CD209: variants seen among roughly 807,000 people sequenced by gnomAD.
The protein encoded by CD209 is CD209 antigen.
A neutral mutation model predicts 44.7 loss-of-function variants in CD209; 31 were observed. The ratio of observed to expected loss-of-function variants is 0.69; its 90% CI spans 0.52 to 0.94. The LOEUF (loss-of-function observed/expected upper bound fraction) is 0.94, where lower values mean the gene tolerates loss of function less well. Ranked by LOEUF, CD209 falls within the 40% of genes least tolerant of loss-of-function variation. The pLI is 0.00. For missense variants in CD209, 407 were observed against 452.4 expected (o/e 0.90, Z 0.91); for synonymous variants, 173 against 181.3 (o/e 0.95, Z 0.37).
Position 7,741,509 on chromosome 19 carries a change from A to G in CD209, c.*1530T>C. On this transcript the variant is annotated 3_prime_UTR_variant, in exon 7 of 7. Coordinates refer to ENST00000315599, the MANE Select transcript of CD209 (RefSeq NM_021155.4). ...CCATCTTTAAAAAAAAATAGTAATT[A>G]AAAAATAACGTGGGGAGAGTGATTC... 1.8e-6 allele frequency: 1 copy of G among 561,978 alleles called. No homozygotes were observed. Among genetic ancestry groups the G allele is most frequent in the Middle Eastern group, 3.1e-4 (1 of 3,276 alleles). 34.8% of individuals were successfully genotyped at this position (561,978 alleles called of 1,614,324 possible).
rs1227685897 is a variant in CD209 at position 7,740,513 on chromosome 19, G to C, written c.*2526C>G. ...AGAAACCAAGCCACAAAAAGTACAG[G>C]GCCGCCCTGAAGAAGGAGAAACGAA... On this transcript the variant is annotated 3_prime_UTR_variant, in exon 7 of 7. Transcript: ENST00000315599. The C allele has an allele frequency of 8.6e-7, 1 of 1,156,978 alleles. No homozygotes were observed. The allele number at this position is 1,156,978 out of a possible 1,614,324, so 71.7% of individuals were successfully genotyped here.
In CD209 at chr19:7,741,076, A is replaced by C. The variant is rs1036823423; in HGVS notation, c.*1963T>G. The C allele has an allele frequency of 2.3e-6, 2 of 855,708 alleles. No individual in the cohort carries two copies. Among genetic ancestry groups the C allele is most frequent in the African/African-American group, 3.3e-5 (2 of 61,498 alleles). 53.0% of individuals were successfully genotyped at this position (855,708 alleles called of 1,614,324 possible). ...TACAGTGTTTGGAAAGGAGCAGTGC[A>C]GGAGGGATGACTATGACTCCGAAGC... On this transcript the variant is annotated 3_prime_UTR_variant, in exon 7 of 7. Transcript: ENST00000315599.
Position 7,742,948 on chromosome 19 carries a change from G to A in CD209, c.*91C>T, listed in dbSNP as rs2033659025. On this transcript the variant is annotated 3_prime_UTR_variant, in exon 7 of 7. Coordinates refer to ENST00000315599, the MANE Select transcript of CD209 (RefSeq NM_021155.4). ...GAATGGGACCCAGCCTTCTAAAGGA[G>A]GAAGAATCTGACAAAGAACAGTCCC... 2 of 1,044,152 alleles carry A rather than the reference G, an allele frequency of 1.9e-6. No homozygotes were observed. Among genetic ancestry groups the A allele is most frequent in the Admixed American group, 1.8e-5 (1 of 54,980 alleles). 64.7% of individuals were successfully genotyped at this position (1,044,152 alleles called of 1,614,324 possible).
Position 7,744,162 on chromosome 19 carries a change from C to G in CD209, c.958G>C (p.Asp320His). The G allele has an allele frequency of 6.2e-7, 1 of 1,614,222 alleles. No individual in the cohort carries two copies. Among genetic ancestry groups the G allele is most frequent in the Non-Finnish European group, 8.5e-7 (1 of 1,180,028 alleles). Residue 320 changes from aspartate (D) to histidine (H), a missense_variant, in exon 6 of 7, where the codon GAT becomes CAT. Asp to His is a moderately conservative substitution (Grantham distance 81, BLOSUM62 -1). This residue lies in a region of CD209 where 200 missense variants were observed against 202.2 expected (regional missense o/e 0.99). Coordinates refer to ENST00000315599, the MANE Select transcript of CD209 (RefSeq NM_021155.4). ...TGCCACGTGCCTTCCTGATTTAGAT[C>G]TGAAAGTCCCATCCAGGTGAAGCGG... Reference protein sequence around the residue: ...SNRFTWMGLSDLNQEGTWQWV... With the variant: ...SNRFTWMGLSHLNQEGTWQWV...
chr19:7,741,140 T>C lies in CD209; in HGVS notation c.*1899A>G. ...AGCGAGGAAGAAACCTACCAACAGT[T>C]CCTAGATTTCTGTGAGGATGTGCTG... On this transcript the variant is annotated 3_prime_UTR_variant, in exon 7 of 7. Transcript: ENST00000315599. 1 of 1,074,480 alleles carries C rather than the reference T, an allele frequency of 9.3e-7. No individual in the cohort carries two copies. The highest frequency in any genetic ancestry group is 1.4e-6 in the Non-Finnish European group (1 of 739,550). The allele number at this position is 1,074,480 out of a possible 1,614,324, so 66.6% of individuals were successfully genotyped here.
intron 5 of CD209, among the ~76,000 whole-genome samples, chr19:7,744,604 A>G (rs1467758642): frequency 6.6e-6 from 1 of 152,254 alleles, no homozygotes; most frequent in Non-Finnish European, 1.5e-5. Flanking sequence ...TCACAACGAC[A>G]GCTTGAAATC....
chr19:7,741,498 A>G lies in CD209; in HGVS notation c.*1541T>C, dbSNP rs548839611. ...AGAGCAAGACCCCATCTTTAAAAAAAAATAGTAATTAAAAAATAACGTGGG... is the reference window on the plus strand; with the variant it reads ...AGAGCAAGACCCCATCTTTAAAAAAGAATAGTAATTAAAAAATAACGTGGG... On this transcript the variant is annotated 3_prime_UTR_variant, in exon 7 of 7. Transcript: ENST00000315599. 1 of 551,822 alleles carries G rather than the reference A, an allele frequency of 1.8e-6. No homozygotes were observed. The highest frequency in any genetic ancestry group is 1.9e-5 in the African/African-American group (1 of 51,690). The allele number at this position is 551,822 out of a possible 1,614,324, so 34.2% of individuals were successfully genotyped here.
At position 7,742,830 on chromosome 19, in the gene CD209, G is replaced by A. The variant is rs150207510; in HGVS notation, c.*209C>T. The A allele has an allele frequency of 4.6e-4, 274 of 593,136 alleles. No homozygotes were observed. The highest frequency in any genetic ancestry group is 1.4e-3 in the Admixed American group (46 of 33,716). The allele number at this position is 593,136 out of a possible 1,614,324, so 36.7% of individuals were successfully genotyped here. On this transcript the variant is annotated 3_prime_UTR_variant, in exon 7 of 7. Transcript: ENST00000315599. ...TTGGAACACAAGTCCACCCCCAAAG[G>A]CATCCCACACCAGCTCACTCATAAA...
At position 7,743,165 on chromosome 19, in the gene CD209, G is replaced by A. The variant is rs2033668765; in HGVS notation, c.1089C>T (p.Gly363=). 3.1e-6 allele frequency: 5 copies of A among 1,613,998 alleles called. No individual in the cohort carries two copies. The highest frequency in any genetic ancestry group is 3.4e-6 in the Non-Finnish European group (4 of 1,179,974). ...EEDCAEFSGN[G]WNDDKCNLAK... is the part of the protein sequence containing the mutation. ...CAAGATTACATTTGTCGTCGTTCCA[G>A]CCATTGCCACTAAATTCCGCGCAGT... Residue 363 remains glycine (G), a synonymous_variant, in exon 7 of 7, where the codon GGC becomes GGT. Coordinates refer to ENST00000315599, the MANE Select transcript of CD209 (RefSeq NM_021155.4).
chr19:7,745,581 G>A lies in CD209; in HGVS notation c.685C>T (p.Leu229Phe). The change falls in exon 4 of 7, where the codon CTT becomes TTT. Residue 229 changes from leucine (L) to phenylalanine (F), a missense_variant. Around this residue, in one of 3 missense-constraint regions of CD209, gnomAD observed 85 missense variants for 139.9 expected, o/e 0.61. Coordinates refer to ENST00000315599, the MANE Select transcript of CD209 (RefSeq NM_021155.4). ...TCCTGCTGCTTAGATTTCTCTGGAA[G>A]CTCACCCACTGCAGCCTTCAGCCGG... ...LTRLKAAVGE[L>F]PEKSKQQEIY... 6.2e-7 allele frequency: 1 copy of A among 1,602,982 alleles called. No individual in the cohort carries two copies.
rs61742035 is a variant in CD209, at chr19:7,745,007, G to C, written c.834C>G (p.His278Gln). The C allele has an allele frequency of 1.9e-6, 3 of 1,614,074 alleles. No individual in the cohort carries two copies. Among genetic ancestry groups the C allele is most frequent in the Non-Finnish European group, 1.7e-6 (2 of 1,180,040 alleles). The change falls in exon 5 of 7, where the codon CAC becomes CAG. Residue 278 changes from histidine to glutamine, a missense_variant. This residue lies in a region of CD209 where 200 missense variants were observed against 202.2 expected (regional missense o/e 0.99). Transcript: ENST00000315599. ...CTTCTTTGCAGGCGGTGATGGAGTC[G>C]TGCCAGTTCCGCTGGGAGTTAGACA... Reference protein sequence around the residue: ...YFMSNSQRNWHDSITACKEVG... With the variant: ...YFMSNSQRNWQDSITACKEVG...
intron 6 of CD209, 49 bp downstream of exon 6, chr19:7,744,058 G>T (rs757652654): frequency 2.1e-6 from 3 of 1,434,440 alleles, no homozygotes; most frequent in African/African-American, 1.4e-5. Flanking sequence ...TCAAATCAGA[G>T]TTTCACAATT....
At position 7,740,836 on chromosome 19, in the gene CD209, C is replaced by G. The variant is rs148341013; in HGVS notation, c.*2203G>C. On this transcript the variant is annotated 3_prime_UTR_variant, in exon 7 of 7. Transcript: ENST00000315599. ...CAGAAACGACAGAAGAAACAAAAAC[C>G]GGAAGCTGTCCAGAAGATGCTGGAT... 9.3e-6 allele frequency: 7 copies of G among 755,842 alleles called. No homozygotes were observed. Among genetic ancestry groups the G allele is most frequent in the Admixed American group, 1.8e-5 (1 of 54,812 alleles). The allele number at this position is 755,842 out of a possible 1,614,324, so 46.8% of individuals were successfully genotyped here.
At position 7,742,548 on chromosome 19, in the gene CD209, T is replaced by A. The variant is rs750455268; in HGVS notation, c.*491A>T. ...TATAAGACAAAGGAAGATGTGGGGG[T>A]GGAAGGGGTTGCGTGGAGCCTCCAT... On this transcript the variant is annotated 3_prime_UTR_variant, in exon 7 of 7. Transcript: ENST00000315599. The A allele has an allele frequency of 3.7e-5, 6 of 160,250 alleles. No individual in the cohort carries two copies. Among genetic ancestry groups the A allele is most frequent in the Non-Finnish European group, 5.5e-5 (4 of 72,636 alleles). The allele number at this position is 160,250 out of a possible 1,614,324, so 9.9% of individuals were successfully genotyped here.
intron 4 of CD209, 48 bp from the exon 5 acceptor site, chr19:7,745,140 A>G: frequency 2.1e-5 from 34 of 1,607,984 alleles, no homozygotes; most frequent in Non-Finnish European, 2.8e-5. Context: ...GGTTGTCCAT[A>G]TTCCTGTACC....
Position 7,745,910 on chromosome 19 carries a change from T to A in CD209, c.356A>T (p.Lys119Met), listed in dbSNP as rs1216877700. 3.1e-6 allele frequency: 5 copies of A among 1,613,564 alleles called. No individual in the cohort carries two copies. In the African/African-American group the frequency reaches 6.7e-5, roughly 22 times the overall value. ...AAVGELPEKS[K>M]LQEIYQELTR... ...CAGCTCCTGGTAGATCTCCTGCAGC[T>A]TAGATTTCTCTGGAAGCTCACCCAC... The change falls in exon 4 of 7, where the codon AAG (lysine) becomes ATG (methionine). Residue 119 changes from lysine to methionine, a missense_variant. Physicochemically the swap from Lys to Met is moderately conservative, Grantham distance 95. This residue lies in a region of CD209 where 85 missense variants were observed against 139.9 expected (regional missense o/e 0.61). Coordinates refer to ENST00000315599, the MANE Select transcript of CD209 (RefSeq NM_021155.4).
At chr19:7,743,791 G>A (rs185744882) in intron 6 of CD209, among the ~76,000 whole-genome samples, 1 of 152,286 alleles carries the variant, frequency 6.6e-6, no homozygotes, top group African/African-American at 2.4e-5. Context: ...AGGGATCTGT[G>A]TATATGAGAA....
chr19:7,743,637 C>A (rs1460016891), intron 6 of CD209, among the ~76,000 whole-genome samples: 1 of 152,278 alleles, frequency 6.6e-6, no homozygotes, highest in Non-Finnish European at 1.5e-5. Flanking sequence ...CAATCCTAAG[C>A]CTGTTCACCT....
rs1238172634 is a variant in CD209, at chr19:7,741,154, G to A, written c.*1885C>T. 1.4e-5 allele frequency: 15 copies of A among 1,052,542 alleles called. No individual in the cohort carries two copies. Among genetic ancestry groups the A allele is most frequent in the African/African-American group, 1.6e-5 (1 of 63,040 alleles). The allele number at this position is 1,052,542 out of a possible 1,614,324, so 65.2% of individuals were successfully genotyped here. Reference sequence around the variant, plus strand: ...CTACCAACAGTTCCTAGATTTCTGTGAGGATGTGCTGCCCGAGTTCAAGAA... The same window carrying A: ...CTACCAACAGTTCCTAGATTTCTGTAAGGATGTGCTGCCCGAGTTCAAGAA... On this transcript the variant is annotated 3_prime_UTR_variant, in exon 7 of 7. Coordinates refer to ENST00000315599, the MANE Select transcript of CD209 (RefSeq NM_021155.4).
Sources: allele counts gnomAD v4.1 joint callset (sites outside exome capture counted in the v4.1 genomes callset), GRCh38; gene constraint gnomAD v4.1.1; regional missense constraint gnomAD v4.1.1; transcripts MANE v1.5; gene names NCBI Gene and HGNC (gene_info 2026-07-23, HGNC 2026-07-21).